ZNF730: variants seen among roughly 807,000 people sequenced by gnomAD.
ZNF730 encodes zinc finger protein 730.
ZNF730 carries 12 observed loss-of-function variants against 12.6 expected under a neutral mutation model. The observed-to-expected ratio is 0.95, with a 90% CI of 0.61 to 1.54. The LOEUF (loss-of-function observed/expected upper bound fraction) is 1.54. Among genes scored for constraint, ZNF730 ranks in the 40% most tolerant of loss-of-function variants. The pLI, the probability that ZNF730 is intolerant of heterozygous loss-of-function variation, is 0.00. For synonymous variants in ZNF730, 194 were observed against 195.8 expected (o/e 0.99, Z 0.08); for missense variants, 643 against 583.5 (o/e 1.10, Z -1.05).
intron 1 of ZNF730, among the ~76,000 whole-genome samples, chr19:23,087,062 A>T (rs1413542679): frequency 6.6e-6 from 1 of 151,932 alleles, no homozygotes; most frequent in Non-Finnish European, 1.5e-5. Flanking sequence ...TGTGAATGTG[A>T]GTTTGTTCGT....
At chr19:23,091,811 GC>G (rs1568302692) in intron 1 of ZNF730, among the ~76,000 whole-genome samples, 2 of 152,166 alleles carry the variant, frequency 1.3e-5, no homozygotes, top group African/African-American at 4.8e-5. Flanking sequence ...GAAGGGACTT[GC>G]CTTGTCTCAG....
At chr19:23,132,449 A>G (rs1166556202) in intron 1 of ZNF730, among the ~76,000 whole-genome samples, 1 of 152,092 alleles carries the variant, frequency 6.6e-6, no homozygotes, top group Non-Finnish European at 1.5e-5. Flanking sequence ...TGTTGTAACT[A>G]CGTTTTAAAA....
chr19:23,087,950 G>A lies in ZNF730; in HGVS notation c.-94+12563G>A, dbSNP rs552009658. ...ATTTCTTTCTCTTTTCTTGTTACCC[G>A]GACCAGAAGTTCCAATATTATGTTG... On this transcript the variant is annotated intron_variant, in intron 1 of 2. Transcript: ENST00000593635. Among the ~76,000 whole-genome samples, 18 of 151,618 alleles carry A rather than the reference G, an allele frequency of 1.2e-4. No individual in the cohort carries two copies. In the East Asian group the frequency reaches 1.4e-3, roughly 12 times the overall value.
chr19:23,130,272 GCT>G (rs1439682820), intron 1 of ZNF730, among the ~76,000 whole-genome samples: 1 of 152,078 alleles, frequency 6.6e-6, no homozygotes, highest in Non-Finnish European at 1.5e-5. Context: ...TCCTGCACAA[GCT>G]CTCTCTTTGC....
chr19:23,126,300 C>G (rs1429363907), intron 1 of ZNF730, among the ~76,000 whole-genome samples: 2 of 152,086 alleles, frequency 1.3e-5, no homozygotes, highest in Non-Finnish European at 2.9e-5. Flanking sequence ...ATAGAGGCTA[C>G]TTTAAAGAAG....
intron 3 of ZNF730, among the ~76,000 whole-genome samples, chr19:23,140,297 GTA>G (rs1162891133): frequency 6.6e-6 from 1 of 151,934 alleles, no homozygotes. Context: ...TTATAATTTT[GTA>G]TCTTTTAATT....
chr19:23,121,294 G>A (rs567341705), intron 1 of ZNF730, among the ~76,000 whole-genome samples: 6 of 152,184 alleles, frequency 3.9e-5, no homozygotes, highest in African/African-American at 1.2e-4. Flanking sequence ...ATGGGGTGTT[G>A]TAGGAGTCAG....
intron 1 of ZNF730, among the ~76,000 whole-genome samples, chr19:23,109,360 C>A (rs1216788616): frequency 6.6e-6 from 1 of 151,732 alleles, no homozygotes; most frequent in African/African-American, 2.4e-5. Flanking sequence ...TCTCAAGTAG[C>A]TGGGACTACA....
At chr19:23,112,551 A>G (rs1568309129), upstream of ZNF730, among the ~76,000 whole-genome samples, 1 of 151,956 alleles carries the variant, frequency 6.6e-6, no homozygotes, top group Admixed American at 6.6e-5. Flanking sequence ...GTGAAACCCC[A>G]TCTCTACTAA....
chr19:23,117,149 G>C lies in ZNF730; in HGVS notation c.-25G>C, dbSNP rs779915538. 1 of 1,613,796 alleles carries C rather than the reference G, an allele frequency of 6.2e-7. No homozygotes were observed. Among genetic ancestry groups the C allele is most frequent in the African/African-American group, 1.3e-5 (1 of 75,052 alleles). ...GTATTGGGAGATCCACAGCTAAGAC[G>C]CCAGGGCCCCCTGGAAGCCTAGAAA... On this transcript the variant is annotated 5_prime_UTR_variant, in exon 1 of 4. Coordinates refer to ENST00000597761, the MANE Select transcript of ZNF730 (RefSeq NM_001277403.2).
chr19:23,095,227 A>C (rs1970228397), intron 1 of ZNF730: 1 of 396,056 alleles, frequency 2.5e-6, no homozygotes, highest in African/African-American at 2.1e-5. Flanking sequence ...TCTTGTACCC[A>C]GGTGGTGTGA....
At chr19:23,132,291 G>A (rs1970753414) in intron 1 of ZNF730, among the ~76,000 whole-genome samples, 1 of 152,150 alleles carries the variant, frequency 6.6e-6, no homozygotes, top group Non-Finnish European at 1.5e-5. Flanking sequence ...AGAAATTCCA[G>A]AGAAAGACGA....
At chr19:23,110,891 T>C (rs1348542876) in intron 1 of ZNF730, among the ~76,000 whole-genome samples, 2 of 152,354 alleles carry the variant, frequency 1.3e-5, no homozygotes, top group Non-Finnish European at 2.9e-5. Flanking sequence ...TGAAGTTTTT[T>C]AGACATGCCA....
chr19:23,140,605 C>CT (rs1007197220), intron 3 of ZNF730, among the ~76,000 whole-genome samples: 1 of 90,436 alleles, frequency 1.1e-5, no homozygotes, highest in Non-Finnish European at 2.6e-5. Flanking sequence ...AAGACTCGGT[C>CT]TTAAAAAAAA....
intron 1 of ZNF730, among the ~76,000 whole-genome samples, chr19:23,083,589 G>A (rs989552856): frequency 6.6e-5 from 10 of 150,400 alleles, no homozygotes; most frequent in African/African-American, 2.4e-4. Flanking sequence ...ATCCTCATTA[G>A]TGCTTGTTTT....
At chr19:23,127,396 A>G in intron 1 of ZNF730, 1 of 882,726 alleles carries the variant, frequency 1.1e-6, no homozygotes, top group Non-Finnish European at 1.8e-6. Flanking sequence ...ATATTCCCAA[A>G]TATTCAGCTT....
At chr19:23,102,121 G>C (rs1022002852) in intron 1 of ZNF730, among the ~76,000 whole-genome samples, 2 of 152,164 alleles carry the variant, frequency 1.3e-5, no homozygotes, top group East Asian at 3.9e-4. Context: ...ATGTGACTCC[G>C]TTTTTGCCTG....
chr19:23,120,810 A>C (rs574979515), intron 1 of ZNF730, among the ~76,000 whole-genome samples: 1 of 152,178 alleles, frequency 6.6e-6, no homozygotes, highest in African/African-American at 2.4e-5. Flanking sequence ...ACCTCTTTCT[A>C]ACTTTCTGAT....
At chr19:23,133,654 G>T (rs1970776599) in intron 1 of ZNF730, among the ~76,000 whole-genome samples, 1 of 152,132 alleles carries the variant, frequency 6.6e-6, no homozygotes, top group African/African-American at 2.4e-5. Context: ...AGAAACTCAG[G>T]CTTTATTCCA....
Sources: gnomAD v4.1 joint callset for allele counts (sites outside exome capture counted in the v4.1 genomes callset) on GRCh38, gnomAD v4.1.1 for gene constraint, MANE v1.5 for transcripts, NCBI Gene and HGNC (gene_info 2026-07-23, HGNC 2026-07-21) for gene names.